The following NBEA variants were observed in gnomAD, a reference collection of about 807,000 sequenced individuals.
The protein encoded by NBEA is lysosomal-trafficking regulator 2.
NBEA carries 44 observed loss-of-function variants against 343.4 expected under a neutral mutation model. That is an observed-to-expected ratio of 0.13 (90% confidence interval 0.10 to 0.16). NBEA has a LOEUF of 0.16. Among genes scored for constraint, NBEA ranks in the 10% least tolerant of loss-of-function variants. The probability of loss-of-function intolerance (pLI) is 1.00; values close to 1 mark genes in which losing one functional copy is unlikely to be tolerated. For synonymous variants in NBEA, 1,175 were observed against 1,238.7 expected (o/e 0.95, Z 1.08); for missense variants, 2,555 against 3,631.3 (o/e 0.70, Z 7.62).
intron 38 of NBEA, among the ~76,000 whole-genome samples, chr13:35,391,281 A>AC (rs2042488381): frequency 6.6e-6 from 1 of 151,896 alleles, no homozygotes; most frequent in Non-Finnish European, 1.5e-5. Context: ...TCTCAAAAAA[A>AC]AAAAAAAAGA....
At chr13:35,346,372 C>T (rs1454862970) in intron 36 of NBEA, among the ~76,000 whole-genome samples, 1 of 152,104 alleles carries the variant, frequency 6.6e-6, no homozygotes, top group Admixed American at 6.6e-5. Context: ...CTTTTGAAGC[C>T]TCTCTACAAA....
At position 35,594,947 on chromosome 13, in the gene NBEA, T is replaced by TCTCACACA. The variant is rs1555312575; in HGVS notation, c.7296+1501_7296+1502insTCACACAC. ...GCCTGCTCACTGTTGTTTGACATCA[T>TCTCACACA]CACACACACACACACACACACACAC... On this transcript the variant is annotated intron_variant, in intron 47 of 58. Coordinates refer to ENST00000379939, the MANE Select transcript of NBEA (RefSeq NM_001385012.1). 2.7e-5 allele frequency among the ~76,000 whole-genome samples: 3 copies of TCTCACACA among 111,124 alleles called. No individual in the cohort carries two copies. The East Asian group carries it at 7.2e-4, about 27-fold the overall frequency. The allele number at this position is 111,124 out of a possible 152,430, so 72.9% of individuals were successfully genotyped here.
intron 38 of NBEA, among the ~76,000 whole-genome samples, chr13:35,423,290 A>T (rs2152924933): frequency 6.6e-6 from 1 of 152,266 alleles, no homozygotes; most frequent in Non-Finnish European, 1.5e-5. Flanking sequence ...TAGGTCTAAC[A>T]TTTAAGTCTT....
intron 28 of NBEA, 43 bp from the exon 29 acceptor site, chr13:35,182,317 T>C (rs1593642685): frequency 1.9e-6 from 3 of 1,553,540 alleles, no homozygotes; most frequent in East Asian, 4.7e-5. Context: ...AACTTATACT[T>C]CAAAAAGTTT....
chr13:35,328,587 T>C (rs144405886), intron 36 of NBEA, among the ~76,000 whole-genome samples: 40 of 152,058 alleles, frequency 2.6e-4, no homozygotes, highest in Middle Eastern at 3.4e-3. Context: ...ATTGCATGCC[T>C]GGATCAAAAT....
At chr13:35,641,576 T>TA (rs2153073609) in intron 49 of NBEA, among the ~76,000 whole-genome samples, 1 of 152,048 alleles carries the variant, frequency 6.6e-6, no homozygotes, top group East Asian at 1.9e-4. Flanking sequence ...AAACAGGAAA[T>TA]ATGTAGTGTA....
intron 38 of NBEA, among the ~76,000 whole-genome samples, chr13:35,354,108 A>C (rs987297848): frequency 1.3e-5 from 2 of 152,190 alleles, no homozygotes; most frequent in Non-Finnish European, 2.9e-5. Flanking sequence ...TGTTAATCAT[A>C]TCTACAAAAT....
intron 38 of NBEA, among the ~76,000 whole-genome samples, chr13:35,413,022 T>A (rs1309000465): frequency 6.6e-6 from 1 of 152,162 alleles, no homozygotes; most frequent in African/African-American, 2.4e-5. Flanking sequence ...CAATAAGCTC[T>A]CAGTAAATAT....
chr13:34,988,473 T>C lies in NBEA; in HGVS notation c.294+45359T>C, dbSNP rs982794346. 7.3e-5 allele frequency among the ~76,000 whole-genome samples: 11 copies of C among 151,122 alleles called. 1 individual carries two copies. Among genetic ancestry groups the C allele is most frequent in the African/African-American group, 2.7e-4 (11 of 41,348 alleles). Reference sequence around the variant, plus strand: ...ACCCAGTTCGAGCTTTTCCGGCTGCTTTGTTTACCTACTCAAGCCTCAGCA... The same window carrying C: ...ACCCAGTTCGAGCTTTTCCGGCTGCCTTGTTTACCTACTCAAGCCTCAGCA... On this transcript the variant is annotated intron_variant, in intron 1 of 58. Coordinates refer to ENST00000379939, the MANE Select transcript of NBEA (RefSeq NM_001385012.1).
intron 1 of NBEA, among the ~76,000 whole-genome samples, chr13:34,959,130 T>C (rs953732135): frequency 6.6e-6 from 1 of 152,182 alleles, no homozygotes; most frequent in Non-Finnish European, 1.5e-5. Flanking sequence ...TAACTAATTA[T>C]GAAGTGCTAT....
chr13:34,981,953 TTC>T (rs144982548), intron 1 of NBEA, among the ~76,000 whole-genome samples: 9,410 of 148,546 alleles, frequency 0.063, 321 homozygotes, highest in Non-Finnish European at 0.07. Context: ...ATGTTCTCTC[TTC>T]TCTCTCTCTC....
intron 40 of NBEA, among the ~76,000 whole-genome samples, chr13:35,464,199 A>G (rs1394077494): frequency 1.3e-5 from 2 of 152,218 alleles, no homozygotes; most frequent in Admixed American, 6.5e-5. Context: ...AGTGCTCTGC[A>G]CTATAATTTC....
intron 55 of NBEA, among the ~76,000 whole-genome samples, chr13:35,657,652 G>A (rs2084881104): frequency 6.6e-6 from 1 of 152,024 alleles, no homozygotes; most frequent in African/African-American, 2.4e-5. Context: ...TTTCCAAATT[G>A]TCTTTATTTC....
At chr13:35,509,162 C>A (rs2077178062) in intron 41 of NBEA, among the ~76,000 whole-genome samples, 1 of 152,214 alleles carries the variant, frequency 6.6e-6, no homozygotes, top group African/African-American at 2.4e-5. Context: ...TCTGCAAACC[C>A]AACCTTGTGG....
At chr13:35,526,242 G>A (rs1182555143) in intron 41 of NBEA, among the ~76,000 whole-genome samples, 3 of 152,070 alleles carry the variant, frequency 2.0e-5, no homozygotes, top group African/African-American at 7.2e-5. Context: ...GCTATGAAAC[G>A]GTCCAATCAG....
chr13:35,266,767 G>A (rs1330171753), intron 34 of NBEA, among the ~76,000 whole-genome samples: 1 of 151,768 alleles, frequency 6.6e-6, no homozygotes, highest in African/African-American at 2.4e-5. Context: ...GAAATCTATA[G>A]TACAACCTGG....
At chr13:35,500,529 G>A (rs527359207) in intron 41 of NBEA, among the ~76,000 whole-genome samples, 104 of 152,148 alleles carry the variant, frequency 6.8e-4, no homozygotes, top group Middle Eastern at 3.4e-3. Context: ...GAGGTTACAG[G>A]TGCTAGCTGG....
rs148108218 is a variant in NBEA at position 35,547,540 on chromosome 13, T to C, written c.6586-2937T>C. On this transcript the variant is annotated intron_variant, in intron 41 of 58. Coordinates refer to ENST00000379939, the MANE Select transcript of NBEA (RefSeq NM_001385012.1). Reference sequence around the variant, plus strand: ...AAGTGTGATACAATTATCATATAAATTATGCCAGGAGATTGAGTAACAAGG... The same window carrying C: ...AAGTGTGATACAATTATCATATAAACTATGCCAGGAGATTGAGTAACAAGG... Among the ~76,000 whole-genome samples, 131 of 152,246 alleles carry C rather than the reference T, an allele frequency of 8.6e-4. 1 individual carries two copies. The highest frequency in any genetic ancestry group is 2.9e-3 in the African/African-American group (121 of 41,544).
chr13:35,368,655 A>G (rs943405006), intron 38 of NBEA, among the ~76,000 whole-genome samples: 1 of 151,580 alleles, frequency 6.6e-6, no homozygotes, highest in Non-Finnish European at 1.5e-5. Flanking sequence ...TACTCCAGAT[A>G]TTTTAAGTGG....
Sources: gnomAD v4.1 joint callset for allele counts (sites outside exome capture counted in the v4.1 genomes callset) on GRCh38, gnomAD v4.1.1 for gene constraint, MANE v1.5 for transcripts, NCBI Gene and HGNC (gene_info 2026-07-23, HGNC 2026-07-21) for gene names.